CEP57L1: variants seen among roughly 807,000 people sequenced by gnomAD.
CEP57L1 encodes centrosomal protein CEP57L1.
In CEP57L1, 37 loss-of-function variants were observed where a neutral mutation model predicts 61.0. The ratio of observed to expected loss-of-function variants is 0.61; its 90% CI spans 0.47 to 0.80. The LOEUF (loss-of-function observed/expected upper bound fraction) is 0.80, where lower values mean the gene tolerates loss of function less well. CEP57L1 is among the 30% of genes least tolerant of loss of function. CEP57L1 has a pLI of 0.00. For missense variants in CEP57L1, 422 were observed against 524.7 expected, an observed-to-expected ratio of 0.80 and a Z score of 1.91; for synonymous variants, 137 against 162.3, an observed-to-expected ratio of 0.84 and a Z score of 1.19.
At chr6:109,113,040 A>T (rs989132921) in intron 1 of CEP57L1, among the ~76,000 whole-genome samples, 2 of 152,042 alleles carry the variant, frequency 1.3e-5, no homozygotes, top group African/African-American at 4.8e-5. Context: ...TTGGTCCAGA[A>T]CTGAGTTCAA....
intron 1 of CEP57L1, among the ~76,000 whole-genome samples, chr6:109,136,760 A>ATTTTAT (rs869088679): frequency 2.4e-5 from 3 of 123,090 alleles, no homozygotes; most frequent in Admixed American, 7.8e-5. Flanking sequence ...ATTTTATTTT[A>ATTTTAT]TTTATTTTTT....
chr6:109,155,199 T>C, intron 5 of CEP57L1, 31 bp from the exon 6 acceptor site: 1 of 1,348,962 alleles, frequency 7.4e-7, no homozygotes, highest in Non-Finnish European at 1.0e-6. Flanking sequence ...CTAGTTTTTA[T>C]GTAACAATCT....
chr6:109,098,474 A>C (rs1328901870), intron 1 of CEP57L1, among the ~76,000 whole-genome samples: 1 of 151,542 alleles, frequency 6.6e-6, no homozygotes, highest in African/African-American at 2.4e-5. Context: ...ACAGAATCTG[A>C]CTATGTCACC....
At chr6:109,155,700 T>C (rs1219278141) in intron 6 of CEP57L1, 91 bp from the exon 7 acceptor site, 2 of 689,166 alleles carry the variant, frequency 2.9e-6, no homozygotes, top group East Asian at 3.1e-5. Flanking sequence ...CAAAAAGCAT[T>C]TTTATATTTA....
In CEP57L1 at chr6:109,159,335, C is replaced by T. The variant is rs780793624; in HGVS notation, c.889C>T (p.Pro297Ser). 1.2e-6 allele frequency: 2 copies of T among 1,614,004 alleles called. No homozygotes were observed. Among genetic ancestry groups the T allele is most frequent in the South Asian group, 2.2e-5 (2 of 91,080 alleles). Residue 297 changes from proline (P) to serine (S), a missense_variant, in exon 9 of 11, where the codon CCC becomes TCC. Physicochemically the swap from Pro to Ser is moderately conservative, Grantham distance 74. Transcript: ENST00000517392. ...TAACGTGACTGAGACTAGATGTCTC[C>T]CCAAGCCTTCTAGAACAACTTCCTG... Reference protein sequence around the residue: ...PFNVTETRCLPKPSRTTSWCK... With the variant: ...PFNVTETRCLSKPSRTTSWCK...
chr6:109,143,959 T>G (rs1008298336), intron 1 of CEP57L1, among the ~76,000 whole-genome samples: 1 of 152,174 alleles, frequency 6.6e-6, no homozygotes, highest in Non-Finnish European at 1.5e-5. Flanking sequence ...GTGAGCCAGC[T>G]GTGACTAATG....
In CEP57L1 at chr6:109,150,120, A is replaced by G. The variant is rs1772437457; in HGVS notation, c.343A>G (p.Ile115Val). 2.5e-6 allele frequency: 4 copies of G among 1,580,190 alleles called. No individual in the cohort carries two copies. Among genetic ancestry groups the G allele is most frequent in the Non-Finnish European group, 1.7e-6 (2 of 1,151,344 alleles). Reference protein sequence around the residue: ...HQELIKQKKDISIQLSSAQSR... With the variant: ...HQELIKQKKDVSIQLSSAQSR... ...ATTGAATACCCTTTATTTCATAGATATAAGTATACAGTTAAGCTCAGCCCA... is the reference window on the plus strand; with the variant it reads ...ATTGAATACCCTTTATTTCATAGATGTAAGTATACAGTTAAGCTCAGCCCA... The change falls in exon 4 of 11, where the codon ATA (isoleucine) becomes GTA (valine). Residue 115 changes from isoleucine (I) to valine (V), a missense_variant and splice_region_variant. By Grantham distance (29) the Ile-to-Val change is conservative. Coordinates refer to ENST00000517392, the MANE Select transcript of CEP57L1 (RefSeq NM_001271852.3).
rs1663809848 is a variant in CEP57L1, at chr6:109,173,078, G to A, written c.*10108G>A. ...TTTGTTAATTATTGCCTGGTAGGAA[G>A]GAGAACATGTTTTTTTTGAACCTAT... On this transcript the variant is annotated 3_prime_UTR_variant, in exon 11 of 11. Transcript: ENST00000517392. 6.6e-6 allele frequency among the ~76,000 whole-genome samples: 1 copy of A among 152,162 alleles called. No individual in the cohort carries two copies. Among genetic ancestry groups the A allele is most frequent in the African/African-American group, 2.4e-5 (1 of 41,448 alleles).
At position 109,099,363 on chromosome 6, in the gene CEP57L1, A is replaced by G. The variant is rs556048945; in HGVS notation, c.-4+3788A>G. On this transcript the variant is annotated intron_variant, in intron 1 of 10. Coordinates refer to ENST00000517392, the MANE Select transcript of CEP57L1 (RefSeq NM_001271852.3). ...TAGGTGTTCTAGAAGCAAAATGAAGAAAGTAATTAAGGAGGAAGGAAAAAT... is the reference window on the plus strand; with the variant it reads ...TAGGTGTTCTAGAAGCAAAATGAAGGAAGTAATTAAGGAGGAAGGAAAAAT... 2.0e-5 allele frequency among the ~76,000 whole-genome samples: 3 copies of G among 152,216 alleles called. No homozygotes were observed. The East Asian group carries it at 5.8e-4, about 29-fold the overall frequency.
chr6:109,118,274 T>C (rs921083591), intron 1 of CEP57L1, among the ~76,000 whole-genome samples: 7 of 152,220 alleles, frequency 4.6e-5, no homozygotes, highest in African/African-American at 1.7e-4. Flanking sequence ...TGATCTCAGG[T>C]AGTCCACCTG....
rs1774410338 is a variant in CEP57L1, at chr6:109,171,577, A to T, written c.*8607A>T. On this transcript the variant is annotated 3_prime_UTR_variant, in exon 11 of 11. Transcript: ENST00000517392. ...TGATTCTCTTAAACCGTTCTACTAA[A>T]ATACTATCAGTTTAAACTACCATCT... Among the ~76,000 whole-genome samples the T allele has an allele frequency of 6.6e-6, 1 of 152,088 alleles. No individual in the cohort carries two copies. The highest frequency in any genetic ancestry group is 1.5e-5 in the Non-Finnish European group (1 of 68,016).
chr6:109,168,079 C>T lies in CEP57L1; in HGVS notation c.*5109C>T, dbSNP rs745457885. 2.8e-4 allele frequency among the ~76,000 whole-genome samples: 43 copies of T among 152,196 alleles called. No individual in the cohort carries two copies. Among genetic ancestry groups the T allele is most frequent in the African/African-American group, 9.2e-4 (38 of 41,436 alleles). ...CTACTAAATGTTTGTTCTCATCTAT[C>T]GATAAAGTGCTTAAGAAGTTGGCCT... is the stretch of plus-strand genomic sequence containing the variant. On this transcript the variant is annotated 3_prime_UTR_variant, in exon 11 of 11. Coordinates refer to ENST00000517392, the MANE Select transcript of CEP57L1 (RefSeq NM_001271852.3).
chr6:109,142,275 G>A (rs1205706473), intron 1 of CEP57L1, among the ~76,000 whole-genome samples: 1 of 152,172 alleles, frequency 6.6e-6, no homozygotes, highest in Admixed American at 6.5e-5. Context: ...GGAATACTAT[G>A]CAGCCATAAA....
rs1252800839 is a variant in CEP57L1 at position 109,163,272 on chromosome 6, CA to C, written c.*306del. The C allele has an allele frequency of 9.1e-6, 2 of 219,986 alleles. No individual in the cohort carries two copies. The highest frequency in any genetic ancestry group is 1.8e-5 in the Non-Finnish European group (2 of 111,328). 13.6% of individuals were successfully genotyped at this position (219,986 alleles called of 1,614,324 possible). A position where few individuals can be genotyped will look rare whatever the true frequency, so the allele number is the denominator to read the frequency against. On this transcript the variant is annotated 3_prime_UTR_variant, in exon 11 of 11. Transcript: ENST00000517392. ...GAAATTGTACTAGATTGACAATATT[CA>C]AAATTGAGTTAAATCCAAGCTACAA...
intron 1 of CEP57L1, among the ~76,000 whole-genome samples, chr6:109,136,920 A>G (rs756284513): frequency 6.6e-6 from 1 of 151,492 alleles, no homozygotes; most frequent in African/African-American, 2.4e-5. Flanking sequence ...TGCGCCCTAC[A>G]ATGTATTTTT....
chr6:109,131,517 A>G lies in CEP57L1; in HGVS notation c.-3-13702A>G, dbSNP rs183305439. 1.8e-3 allele frequency among the ~76,000 whole-genome samples: 273 copies of G among 152,016 alleles called. 1 individual carries two copies. Among genetic ancestry groups the G allele is most frequent in the African/African-American group, 5.6e-3 (232 of 41,480 alleles). ...ACTCCTTTTCCTTTTTTGAAGCCTA[A>G]GTATCATTCTGTGTGTGCAACTAAA... On this transcript the variant is annotated intron_variant, in intron 1 of 10. Coordinates refer to ENST00000517392, the MANE Select transcript of CEP57L1 (RefSeq NM_001271852.3).
Position 109,173,074 on chromosome 6 carries a change from G to A in CEP57L1, c.*10104G>A, listed in dbSNP as rs1774475730. Among the ~76,000 whole-genome samples, 1 of 152,178 alleles carries A rather than the reference G, an allele frequency of 6.6e-6. No homozygotes were observed. Among genetic ancestry groups the A allele is most frequent in the African/African-American group, 2.4e-5 (1 of 41,442 alleles). On this transcript the variant is annotated 3_prime_UTR_variant, in exon 11 of 11. Coordinates refer to ENST00000517392, the MANE Select transcript of CEP57L1 (RefSeq NM_001271852.3). ...GTGATTTGTTAATTATTGCCTGGTA[G>A]GAAGGAGAACATGTTTTTTTTGAAC...
Position 109,128,688 on chromosome 6 carries a change from G to C in CEP57L1, c.-3-16531G>C, listed in dbSNP as rs572411877. On this transcript the variant is annotated intron_variant, in intron 1 of 10. Coordinates refer to ENST00000517392, the MANE Select transcript of CEP57L1 (RefSeq NM_001271852.3). Reference sequence around the variant, plus strand: ...CATGGCCCTTATGCATTTTTAGCCTGTTTTTTACTGCCAACATTTATTCAC... The same window carrying C: ...CATGGCCCTTATGCATTTTTAGCCTCTTTTTTACTGCCAACATTTATTCAC... Among the ~76,000 whole-genome samples, 13 of 152,220 alleles carry C rather than the reference G, an allele frequency of 8.5e-5. No individual in the cohort carries two copies. In the South Asian group the frequency reaches 2.7e-3, roughly 32 times the overall value.
chr6:109,134,284 G>A (rs1562095277), intron 1 of CEP57L1, among the ~76,000 whole-genome samples: 1 of 151,934 alleles, frequency 6.6e-6, no homozygotes, highest in Non-Finnish European at 1.5e-5. Flanking sequence ...ATGTAATCCA[G>A]CATATAAACA....
Sources: allele counts gnomAD v4.1 joint callset (sites outside exome capture counted in the v4.1 genomes callset), GRCh38; gene constraint gnomAD v4.1.1; transcripts MANE v1.5; gene names NCBI Gene and HGNC (gene_info 2026-07-23, HGNC 2026-07-21).